Variants in CHD9 observed in about 807,000 individuals in gnomAD.
The protein encoded by CHD9 is ATP-dependent chromatin remodeler CHD9.
In CHD9, 77 loss-of-function variants were observed where a neutral mutation model predicts 316.1. The observed-to-expected ratio is 0.24, with a 90% CI of 0.20 to 0.29. The LOEUF (loss-of-function observed/expected upper bound fraction) is 0.29. Among genes scored for constraint, CHD9 ranks in the 10% least tolerant of loss-of-function variants. CHD9 has a pLI of 1.00. For synonymous variants in CHD9, 1,129 were observed against 1,158.3 expected, an observed-to-expected ratio of 0.97 and a Z score of 0.51; for missense variants, 2,763 against 3,438.1, an observed-to-expected ratio of 0.80 and a Z score of 4.91.
intron 17 of CHD9, 24 bp from the exon 18 acceptor site, chr16:53,254,414 A>C (rs766346554): frequency 6.6e-7 from 1 of 1,514,170 alleles, no homozygotes; most frequent in South Asian, 1.4e-5. Flanking sequence ...AACTAATTAA[A>C]TATGTAACTT....
rs115532228 is a variant in CHD9, at chr16:53,219,024, G to A, written c.1785-3620G>A. Among the ~76,000 whole-genome samples, 238 of 152,178 alleles carry A rather than the reference G, an allele frequency of 1.6e-3. 2 individuals carry two copies. Among genetic ancestry groups the A allele is most frequent in the African/African-American group, 5.5e-3 (230 of 41,532 alleles). On this transcript the variant is annotated intron_variant, in intron 3 of 38. Coordinates refer to ENST00000447540, the MANE Select transcript of CHD9 (RefSeq NM_001308319.2). ...AAAGTAACGGATACCCTTAGGAGGC[G>A]GTTCGTACTGGGAGAGGCATGAGAG...
chr16:53,303,632 A>G, intron 30 of CHD9, 88 bp from the exon 31 acceptor site: 1 of 972,500 alleles, frequency 1.0e-6, no homozygotes, highest in Non-Finnish European at 1.4e-6. Flanking sequence ...TGGTATTGTT[A>G]TAAATATATA....
Position 53,287,977 on chromosome 16 carries a change from A to G in CHD9, c.5210A>G (p.Tyr1737Cys), listed in dbSNP as rs190545426. 1 of 1,611,420 alleles carries G rather than the reference A, an allele frequency of 6.2e-7. No individual in the cohort carries two copies. Among genetic ancestry groups the G allele is most frequent in the African/African-American group, 1.3e-5 (1 of 74,906 alleles). ...YMDGDVEDPE[Y>C]KPAPAIFKDD... ...AACAGGGATGTGGAAGATCCAGAAT[A>G]CAAACCTGCCCCAGCCATCTTTAAA... The change falls in exon 27 of 39, where the codon TAC becomes TGC. Residue 1737 changes from tyrosine to cysteine, a missense_variant. Tyr to Cys is a radical substitution (Grantham distance 194, BLOSUM62 -2). Around this residue, in one of 15 missense-constraint regions of CHD9, gnomAD observed 183 missense variants for 258.5 expected, o/e 0.71. Transcript: ENST00000447540.
At position 53,156,807 on chromosome 16, in the gene CHD9, C is replaced by T. The variant is rs559672647; in HGVS notation, c.718C>T (p.His240Tyr). 1 of 1,613,832 alleles carries T rather than the reference C, an allele frequency of 6.2e-7. No individual in the cohort carries two copies. Among genetic ancestry groups the T allele is most frequent in the Non-Finnish European group, 8.5e-7 (1 of 1,179,884 alleles). Residue 240 changes from histidine (H) to tyrosine (Y), a missense_variant, in exon 2 of 39, where the codon CAC (histidine) becomes TAC (tyrosine). Transcript: ENST00000447540. The stretch of plus-strand genomic sequence containing the variant: ...TTCTCAAACGTCAAATCCTTCAGCA[C>T]ACTTCCACAAGTGTAGCAGTCATCA... Reference protein sequence around the residue: ...QFSQTSNPSAHFHKCSSHQEG... With the variant: ...QFSQTSNPSAYFHKCSSHQEG...
chr16:53,136,481 T>C (rs2039717274), intron 1 of CHD9, among the ~76,000 whole-genome samples: 1 of 151,942 alleles, frequency 6.6e-6, no homozygotes, highest in African/African-American at 2.4e-5. Context: ...GTCTTTGCAA[T>C]GTTTATCTTT....
chr16:53,306,578 A>G (rs1423149671), intron 32 of CHD9, among the ~76,000 whole-genome samples, 181 bp downstream of exon 32: 1 of 152,216 alleles, frequency 6.6e-6, no homozygotes, highest in Admixed American at 6.5e-5. Context: ...TTTAATGTGT[A>G]TGCTTCTCAA....
chr16:53,238,243 C>G, intron 11 of CHD9, 100 bp from the exon 12 acceptor site: 1 of 1,101,922 alleles, frequency 9.1e-7, no homozygotes, highest in Non-Finnish European at 1.3e-6. Flanking sequence ...TTTATAAATG[C>G]AACTATTTTA....
Position 53,231,641 on chromosome 16 carries a change from T to G in CHD9, c.2374-6T>G, listed in dbSNP as rs1173611520. On this transcript the variant is annotated splice_region_variant and splice_polypyrimidine_tract_variant and intron_variant, in intron 9 of 38. Coordinates refer to ENST00000447540, the MANE Select transcript of CHD9 (RefSeq NM_001308319.2). ...CAAAATGGTAAATGAAAAAATTTTT[T>G]TACAGCCTGTTATTTACTACTTAGT... 6.4e-7 allele frequency: 1 copy of G among 1,561,090 alleles called. No individual in the cohort carries two copies. The highest frequency in any genetic ancestry group is 2.3e-5 in the East Asian group (1 of 44,384).
At chr16:53,114,669 G>A (rs1318851856) in intron 1 of CHD9, among the ~76,000 whole-genome samples, 1 of 152,102 alleles carries the variant, frequency 6.6e-6, no homozygotes, top group Non-Finnish European at 1.5e-5. Flanking sequence ...CTCACTGCAA[G>A]CTCCGCCTCG....
chr16:53,250,786 A>G (rs550242673), intron 17 of CHD9: 7 of 152,218 alleles, frequency 4.6e-5, no homozygotes, highest in East Asian at 1.9e-4. Context: ...ATTATTCATC[A>G]TAGTCTTAAT....
At chr16:53,190,117 A>C (rs557026642) in intron 2 of CHD9, among the ~76,000 whole-genome samples, 19 of 152,222 alleles carry the variant, frequency 1.2e-4, no homozygotes, top group African/African-American at 4.6e-4. Flanking sequence ...TCTTAATATC[A>C]CCTTTCCCAT....
At chr16:53,322,454 A>G (rs2057338556) in intron 38 of CHD9, among the ~76,000 whole-genome samples, 1 of 151,838 alleles carries the variant, frequency 6.6e-6, no homozygotes, top group Admixed American at 6.6e-5. Context: ...TAAAAATACA[A>G]AAATTAGCCA....
At chr16:53,204,023 C>CAAAAAAAAAA (rs530552464) in intron 2 of CHD9, among the ~76,000 whole-genome samples, 2 of 48,342 alleles carry the variant, frequency 4.1e-5, no homozygotes, top group African/African-American at 1.7e-4. Context: ...GACTCCATCT[C>CAAAAAAAAAA]AAAAAAAAAA....
At chr16:53,255,873 A>T in intron 19 of CHD9, 94 bp downstream of exon 19, 1 of 1,181,740 alleles carries the variant, frequency 8.5e-7, no homozygotes, top group Non-Finnish European at 1.2e-6. Flanking sequence ...ATGTTTAAAC[A>T]TACTGAATTA....
chr16:53,278,122 T>A (rs1376152053), intron 24 of CHD9, among the ~76,000 whole-genome samples: 2 of 151,878 alleles, frequency 1.3e-5, no homozygotes, highest in African/African-American at 4.8e-5. Context: ...CACAAATAAA[T>A]GGAAACACAT....
At chr16:53,063,820 C>A (rs1385455320) in intron 1 of CHD9, among the ~76,000 whole-genome samples, 2 of 149,830 alleles carry the variant, frequency 1.3e-5, no homozygotes, top group African/African-American at 4.9e-5. Context: ...CATAAGCCAC[C>A]ATGCCTGGCC....
At position 53,303,840 on chromosome 16, in the gene CHD9, T is replaced by C. The variant is rs1269995615; in HGVS notation, c.5834T>C (p.Phe1945Ser). Residue 1945 changes from phenylalanine (F) to serine (S), a missense_variant, in exon 31 of 39, where the codon TTT becomes TCT. Phe to Ser is a radical substitution (Grantham distance 155, BLOSUM62 -2). Around this residue, in one of 15 missense-constraint regions of CHD9, gnomAD observed 663 missense variants for 751.2 expected, o/e 0.88. Transcript: ENST00000447540. ...REQALRHPQL[F>S]ERLKLCHPNP... The stretch of plus-strand genomic sequence containing the variant: ...CAGGCCCTTCGACATCCACAGTTGT[T>C]TGAACGCTTGAAGCTTTGCCATCCA... 4 of 1,614,046 alleles carry C rather than the reference T, an allele frequency of 2.5e-6. No individual in the cohort carries two copies. Among genetic ancestry groups the C allele is most frequent in the Non-Finnish European group, 3.4e-6 (4 of 1,179,888 alleles).
intron 12 of CHD9, among the ~76,000 whole-genome samples, chr16:53,242,412 T>C (rs1236780991): frequency 6.6e-6 from 1 of 152,236 alleles, no homozygotes; most frequent in Non-Finnish European, 1.5e-5. Flanking sequence ...AGATACTCAA[T>C]ATCTGCTGAA....
chr16:53,077,761 A>G (rs541752865), intron 1 of CHD9, among the ~76,000 whole-genome samples: 5 of 152,276 alleles, frequency 3.3e-5, no homozygotes, highest in South Asian at 4.1e-4. Flanking sequence ...TTTGAAATCT[A>G]CTTCTTCGGC....
Sources: allele counts gnomAD v4.1 joint callset (sites outside exome capture counted in the v4.1 genomes callset), GRCh38; gene constraint gnomAD v4.1.1; regional missense constraint gnomAD v4.1.1; transcripts MANE v1.5; gene names NCBI Gene and HGNC (gene_info 2026-07-23, HGNC 2026-07-21).